The following LRRC4C variants were observed in gnomAD, a reference collection of about 807,000 sequenced individuals.
The protein encoded by LRRC4C is leucine-rich repeat-containing protein 4C.
In LRRC4C, 5 loss-of-function variants were observed where a neutral mutation model predicts 33.6. The observed-to-expected ratio is 0.15, with a 90% CI of 0.08 to 0.31. The LOEUF is 0.31. Among genes scored for constraint, LRRC4C ranks in the 10% least tolerant of loss-of-function variants. The probability of loss-of-function intolerance (pLI) is 1.00; values close to 1 mark genes in which losing one functional copy is unlikely to be tolerated. For missense variants in LRRC4C, 560 were observed against 796.7 expected (o/e 0.70, Z 3.58); for synonymous variants, 329 against 302.0 (o/e 1.09, Z -0.93).
chr11:40,814,203 C>T (rs1454432160), intron 2 of LRRC4C, among the ~76,000 whole-genome samples: 3 of 152,210 alleles, frequency 2.0e-5, no homozygotes, highest in African/African-American at 4.8e-5. Flanking sequence ...AACATTCAGG[C>T]ATTTCCATAC....
intron 1 of LRRC4C, among the ~76,000 whole-genome samples, chr11:41,277,246 T>TA (rs1200672115): frequency 2.0e-5 from 3 of 152,158 alleles, no homozygotes; most frequent in Admixed American, 6.5e-5. Context: ...ACAAAGCATG[T>TA]AAAAAACCCA....
rs533990798 is a variant in LRRC4C at position 41,146,641 on chromosome 11, C to A, written c.-495-212918G>T. Among the ~76,000 whole-genome samples, 4 of 152,268 alleles carry A rather than the reference C, an allele frequency of 2.6e-5. No individual in the cohort carries two copies. In the East Asian group the frequency reaches 7.7e-4, roughly 29 times the overall value. On this transcript the variant is annotated intron_variant, in intron 1 of 6. Coordinates refer to ENST00000528697, the MANE Select transcript of LRRC4C (RefSeq NM_001258419.2). ...AGCAATGTGCTAAGTCTTGGAATAC[C>A]CTCCTTCCTCCCGCCTGCCACAAAA...
intron 1 of LRRC4C, among the ~76,000 whole-genome samples, chr11:41,190,097 T>C (rs1300985963): frequency 6.6e-6 from 1 of 152,188 alleles, no homozygotes; most frequent in Non-Finnish European, 1.5e-5. Flanking sequence ...AAAACGGACA[T>C]TCATAACTTT....
In LRRC4C at chr11:40,144,798, C is replaced by T. The variant is rs537409470; in HGVS notation, c.-95-3945G>A. 3.3e-5 allele frequency among the ~76,000 whole-genome samples: 5 copies of T among 152,222 alleles called. No individual in the cohort carries two copies. The East Asian group carries it at 5.8e-4, about 18-fold the overall frequency. On this transcript the variant is annotated intron_variant, in intron 5 of 6. Transcript: ENST00000528697. ...ATAGAAGAAATCAAATATTTGAAGC[C>T]GTAGGCTAGTGATCTCCCTATTACA...
chr11:40,410,051 A>G (rs1313066167), intron 3 of LRRC4C, among the ~76,000 whole-genome samples: 4 of 152,050 alleles, frequency 2.6e-5, no homozygotes, highest in African/African-American at 9.7e-5. Context: ...GAACACAGCC[A>G]CTTGCACTTG....
intron 3 of LRRC4C, among the ~76,000 whole-genome samples, chr11:40,355,953 T>TGTATTGTATA (rs1555029958): frequency 8.2e-6 from 1 of 121,488 alleles, no homozygotes; most frequent in African/African-American, 2.8e-5. Context: ...AGTATAGTAT[T>TGTATTGTATA]GTATAGTATA....
chr11:40,443,704 GT>G (rs1018567749), intron 3 of LRRC4C, among the ~76,000 whole-genome samples: 1 of 152,142 alleles, frequency 6.6e-6, no homozygotes, highest in Non-Finnish European at 1.5e-5. Context: ...ATGAACACCT[GT>G]GGTATTTACA....
intron 4 of LRRC4C, among the ~76,000 whole-genome samples, chr11:40,303,154 C>T (rs1944860181): frequency 6.6e-6 from 1 of 151,976 alleles, no homozygotes; most frequent in Non-Finnish European, 1.5e-5. Context: ...CAGAGAAGAA[C>T]AACGGAAAAC....
At chr11:41,338,854 C>T (rs889334157) in intron 1 of LRRC4C, among the ~76,000 whole-genome samples, 12 of 151,936 alleles carry the variant, frequency 7.9e-5, no homozygotes, top group East Asian at 1.9e-4. Flanking sequence ...TAATGACCTC[C>T]GGCACATTGT....
At chr11:41,033,310 T>C (rs957596569) in intron 1 of LRRC4C, among the ~76,000 whole-genome samples, 5 of 152,066 alleles carry the variant, frequency 3.3e-5, no homozygotes, top group Non-Finnish European at 7.4e-5. Flanking sequence ...GTCTCAGGTA[T>C]GCCTAAGCAC....
chr11:41,118,632 C>G (rs1330948697), intron 1 of LRRC4C, among the ~76,000 whole-genome samples: 1 of 152,170 alleles, frequency 6.6e-6, no homozygotes, highest in Non-Finnish European at 1.5e-5. Flanking sequence ...CATTGAGTAG[C>G]TTCTCTCTCT....
At chr11:41,315,829 A>G (rs1329400314) in intron 1 of LRRC4C, among the ~76,000 whole-genome samples, 2 of 152,264 alleles carry the variant, frequency 1.3e-5, no homozygotes, top group Non-Finnish European at 2.9e-5. Context: ...ATCTGTATAC[A>G]TAGCTATGAA....
chr11:41,256,614 CAT>C (rs1223028781), intron 1 of LRRC4C, among the ~76,000 whole-genome samples: 9 of 151,922 alleles, frequency 5.9e-5, no homozygotes, highest in African/African-American at 2.2e-4. Context: ...CAGATCAACT[CAT>C]ATGTAGAAAG....
At chr11:41,422,299 A>G (rs1251961776) in intron 1 of LRRC4C, among the ~76,000 whole-genome samples, 1 of 152,016 alleles carries the variant, frequency 6.6e-6, no homozygotes, top group East Asian at 1.9e-4. Context: ...GCCTGAACCA[A>G]CTATGACAAT....
intron 1 of LRRC4C, among the ~76,000 whole-genome samples, chr11:41,290,875 A>G (rs527875551): frequency 6.6e-6 from 1 of 152,112 alleles, no homozygotes; most frequent in African/African-American, 2.4e-5. Context: ...TGATGGAGAG[A>G]CCCTGACACT....
chr11:40,633,936 T>C (rs1042276670), intron 3 of LRRC4C, among the ~76,000 whole-genome samples: 39 of 152,226 alleles, frequency 2.6e-4, no homozygotes, highest in African/African-American at 9.4e-4. Flanking sequence ...TTAAAACTTG[T>C]AGACTAAATA....
chr11:41,445,774 A>AT (rs1307408239), intron 1 of LRRC4C, among the ~76,000 whole-genome samples: 1 of 152,056 alleles, frequency 6.6e-6, no homozygotes, highest in African/African-American at 2.4e-5. Context: ...CATACAAATT[A>AT]TTTTATAACA....
At chr11:40,492,242 T>C (rs1472139746) in intron 3 of LRRC4C, among the ~76,000 whole-genome samples, 1 of 152,202 alleles carries the variant, frequency 6.6e-6, no homozygotes, top group Non-Finnish European at 1.5e-5. Flanking sequence ...CTCGACTACG[T>C]TGTCAAATCT....
intron 1 of LRRC4C, among the ~76,000 whole-genome samples, chr11:41,048,584 T>A (rs942665990): frequency 2.6e-5 from 4 of 152,122 alleles, no homozygotes; most frequent in Admixed American, 1.3e-4. Flanking sequence ...TTTTTAAAAA[T>A]TTTTTCATCT....
Sources: gnomAD v4.1 joint callset for allele counts (sites outside exome capture counted in the v4.1 genomes callset) on GRCh38, gnomAD v4.1.1 for gene constraint, MANE v1.5 for transcripts, NCBI Gene and HGNC (gene_info 2026-07-23, HGNC 2026-07-21) for gene names.